Variants in TMED3 observed in about 807,000 individuals in gnomAD.
TMED3 encodes transmembrane p24 trafficking protein 3.
A neutral mutation model predicts 15.0 loss-of-function variants in TMED3; 9 were observed. The observed-to-expected ratio is 0.60, with a 90% CI of 0.36 to 1.04. TMED3 has a LOEUF of 1.04. TMED3 is among the 50% of genes least tolerant of loss of function. The pLI is 0.01. For synonymous variants in TMED3, 117 were observed against 121.4 expected, an observed-to-expected ratio of 0.96 and a Z score of 0.24; for missense variants, 267 against 278.9, an observed-to-expected ratio of 0.96 and a Z score of 0.30.
In TMED3 at chr15:79,322,760, G is replaced by A; in HGVS notation, c.*546G>A. 1 of 985,478 alleles carries A rather than the reference G, an allele frequency of 1.0e-6. No homozygotes were observed. 61.0% of individuals were successfully genotyped at this position (985,478 alleles called of 1,614,324 possible). A position where few individuals can be genotyped will look rare whatever the true frequency, so the allele number is the denominator to read the frequency against. On this transcript the variant is annotated 3_prime_UTR_variant, in exon 3 of 3. Transcript: ENST00000299705. ...GCAAGCAGGACAGAATGGTGACTGGGTGCCCTTGGTGAGCTGTGTATTTCC... is the reference window on the plus strand; with the variant it reads ...GCAAGCAGGACAGAATGGTGACTGGATGCCCTTGGTGAGCTGTGTATTTCC...
At chr15:79,381,478 G>A (rs1030697305) in intron 2 of TMED3, among the ~76,000 whole-genome samples, 2 of 152,222 alleles carry the variant, frequency 1.3e-5, no homozygotes, top group African/African-American at 4.8e-5. Context: ...CGGTAAGGAG[G>A]TAGCAGGTGA....
At chr15:79,406,019 C>A (rs564714537) in intron 2 of TMED3, among the ~76,000 whole-genome samples, 2 of 152,198 alleles carry the variant, frequency 1.3e-5, no homozygotes, top group East Asian at 1.9e-4. Context: ...TCTGGCATAG[C>A]GGTTGCAACT....
intron 2 of TMED3, among the ~76,000 whole-genome samples, chr15:79,402,605 C>T (rs766447134): frequency 4.6e-5 from 7 of 151,972 alleles, no homozygotes; most frequent in Non-Finnish European, 7.4e-5. Context: ...TGGTGAAACC[C>T]CGTCTTTACT....
intron 2 of TMED3, chr15:79,383,185 G>A (rs879490683): frequency 5.7e-5 from 38 of 664,844 alleles, no homozygotes; most frequent in Non-Finnish European, 8.4e-5. Flanking sequence ...TTGCTTACGT[G>A]GTAATCAGTA....
chr15:79,378,159 G>T (rs553187126), intron 2 of TMED3, among the ~76,000 whole-genome samples: 1 of 152,272 alleles, frequency 6.6e-6, no homozygotes, highest in South Asian at 2.1e-4. Context: ...AAGGCTCTAA[G>T]TGTTAAAAAT....
At position 79,386,685 on chromosome 15, in the gene TMED3, T is replaced by TACA. The variant is rs1395072712; in HGVS notation, c.418-24715_418-24714insACA. 1.1e-4 allele frequency among the ~76,000 whole-genome samples: 16 copies of TACA among 147,962 alleles called. No homozygotes were observed. The South Asian group carries it at 3.2e-3, about 30-fold the overall frequency. On this transcript the variant is annotated intron_variant, in intron 2 of 2. Coordinates refer to the TMED3 transcript ENST00000424155. Reference sequence around the variant, plus strand: ...TCCCGAGTAGCTGGGATTACAGGTGTGGGCCACCATGCCTGGCTATTTTTT... The same window carrying TACA: ...TCCCGAGTAGCTGGGATTACAGGTGTACAGGGCCACCATGCCTGGCTATTTTTT...
chr15:79,381,299 G>C (rs1391152999), intron 2 of TMED3, among the ~76,000 whole-genome samples: 1 of 152,118 alleles, frequency 6.6e-6, no homozygotes, highest in Non-Finnish European at 1.5e-5. Flanking sequence ...AAATGAACCT[G>C]AGCCAAGGCA....
intron 2 of TMED3, among the ~76,000 whole-genome samples, chr15:79,394,418 T>A (rs1055824215): frequency 6.6e-6 from 1 of 152,212 alleles, no homozygotes; most frequent in Non-Finnish European, 1.5e-5. Flanking sequence ...CTCATCCTTC[T>A]GTTGGCAACC....
chr15:79,325,116 A>G (rs966548299), downstream of TMED3, among the ~76,000 whole-genome samples: 2 of 152,238 alleles, frequency 1.3e-5, no homozygotes, highest in African/African-American at 4.8e-5. Context: ...GGGAAAAGAC[A>G]TAGGACCTCT....
intron 2 of TMED3, among the ~76,000 whole-genome samples, chr15:79,333,354 T>G (rs915575806): frequency 4.6e-5 from 7 of 152,332 alleles, no homozygotes; most frequent in Admixed American, 4.6e-4. Context: ...TAGAATGTTG[T>G]TAACTCCTCC....
intron 2 of TMED3, among the ~76,000 whole-genome samples, chr15:79,343,900 C>T (rs1369530251): frequency 2.6e-5 from 4 of 152,088 alleles, no homozygotes. Context: ...TCTGTTTTGG[C>T]CATGTTAAGT....
intron 2 of TMED3, among the ~76,000 whole-genome samples, chr15:79,406,232 G>A (rs12907781): frequency 0.43 from 65,898 of 152,072 alleles, 15,040 homozygotes; most frequent in Middle Eastern, 0.59. Context: ...TGTCTTCACC[G>A]GGGTGAGGGG....
intron 2 of TMED3, chr15:79,314,759 G>T: frequency 3.7e-6 from 1 of 273,258 alleles, no homozygotes; most frequent in Non-Finnish European, 7.7e-6. Context: ...CATTTTGGGG[G>T]GATAGTCATG....
intron 2 of TMED3, among the ~76,000 whole-genome samples, chr15:79,388,694 G>A (rs1893658923): frequency 6.6e-6 from 1 of 152,108 alleles, no homozygotes; most frequent in African/African-American, 2.4e-5. Flanking sequence ...TATAGTGGCT[G>A]TACTAGTTCC....
At chr15:79,405,405 C>G (rs377400957) in intron 2 of TMED3, among the ~76,000 whole-genome samples, 2 of 152,184 alleles carry the variant, frequency 1.3e-5, no homozygotes, top group Admixed American at 6.5e-5. Context: ...CAGCTTGGAC[C>G]TATTAGAGAA....
intron 2 of TMED3, among the ~76,000 whole-genome samples, chr15:79,315,213 T>A (rs1420306928): frequency 6.6e-6 from 1 of 152,206 alleles, no homozygotes; most frequent in Non-Finnish European, 1.5e-5. Context: ...AGCTGCACTG[T>A]TCAGTACAGT....
intron 2 of TMED3, among the ~76,000 whole-genome samples, chr15:79,340,714 G>A (rs1293657031): frequency 6.6e-6 from 1 of 152,120 alleles, no homozygotes; most frequent in Non-Finnish European, 1.5e-5. Context: ...TGGTATCATG[G>A]ATGCATTCAT....
At position 79,322,290 on chromosome 15, in the gene TMED3, G is replaced by A; in HGVS notation, c.*76G>A. The A allele has an allele frequency of 6.5e-7, 1 of 1,544,234 alleles. No homozygotes were observed. Among genetic ancestry groups the A allele is most frequent in the Non-Finnish European group, 8.7e-7 (1 of 1,145,568 alleles). On this transcript the variant is annotated 3_prime_UTR_variant, in exon 3 of 3. Coordinates refer to ENST00000299705, the MANE Select transcript of TMED3 (RefSeq NM_007364.4). ...CCTAGGTCACAGCCTGCTGGGCTGGGTCGCGTAGCCCAGGGTGGAGGCAGA... is the reference window on the plus strand; with the variant it reads ...CCTAGGTCACAGCCTGCTGGGCTGGATCGCGTAGCCCAGGGTGGAGGCAGA...
intron 2 of TMED3, among the ~76,000 whole-genome samples, chr15:79,332,063 AAAT>A (rs1313974770): frequency 2.4e-5 from 3 of 127,008 alleles, no homozygotes; most frequent in Non-Finnish European, 3.6e-5. Flanking sequence ...AAAAATAAAT[AAAT>A]ACATAAATAA....
Sources: gnomAD v4.1 joint callset for allele counts (sites outside exome capture counted in the v4.1 genomes callset) on GRCh38, gnomAD v4.1.1 for gene constraint, MANE v1.5 for transcripts, NCBI Gene and HGNC (gene_info 2026-07-23, HGNC 2026-07-21) for gene names.